FYCO1: variants seen among roughly 807,000 people sequenced by gnomAD.
The protein encoded by FYCO1 is FYVE and coiled-coil domain-containing protein 1.
Under a neutral mutation model 165.1 loss-of-function variants are expected in FYCO1, and 122 were observed. The ratio of observed to expected loss-of-function variants is 0.74; its 90% CI spans 0.64 to 0.86. The LOEUF is 0.86. FYCO1 is among the 40% of genes least tolerant of loss of function. FYCO1 has a pLI of 0.00. For missense variants in FYCO1, 1,702 were observed against 1,810.3 expected, an observed-to-expected ratio of 0.94 and a Z score of 1.09; for synonymous variants, 648 against 742.5, an observed-to-expected ratio of 0.87 and a Z score of 2.07.
intron 7 of FYCO1, 38 bp from the exon 8 acceptor site, chr3:45,968,741 T>A (rs372430070): frequency 8.1e-6 from 13 of 1,613,692 alleles, no homozygotes; most frequent in Non-Finnish European, 1.1e-5. Context: ...GGCTTTAGGA[T>A]GAAGCTACAG....
intron 1 of FYCO1, among the ~76,000 whole-genome samples, chr3:45,992,729 G>A (rs1328737256): frequency 1.3e-5 from 2 of 152,134 alleles, no homozygotes; most frequent in Admixed American, 6.5e-5. Context: ...ATTCTCAGTG[G>A]CTGAGGCTTC....
Position 45,967,294 on chromosome 3 carries a change from G to A in FYCO1, c.2040C>T (p.Ser680=), listed in dbSNP as rs757562334. The A allele has an allele frequency of 1.2e-6, 2 of 1,613,900 alleles. No homozygotes were observed. Among genetic ancestry groups the A allele is most frequent in the Admixed American group, 1.7e-5 (1 of 60,032 alleles). ...IRHLGDQMEA[S]LLAVRKAKEA... is the part of the protein sequence containing the mutation. The stretch of plus-strand genomic sequence containing the variant: ...CCTTGGCCTTCCTTACAGCCAGCAA[G>A]CTCGCCTCCATCTGGTCACCCAAGT... The change falls in exon 8 of 18, where the codon AGC becomes AGT. Residue 680 remains serine (S), a synonymous_variant. Coordinates refer to ENST00000296137, the MANE Select transcript of FYCO1 (RefSeq NM_024513.4).
intron 1 of FYCO1, among the ~76,000 whole-genome samples, chr3:45,991,763 CAG>C (rs1377603958): frequency 2.0e-5 from 3 of 152,228 alleles, no homozygotes; most frequent in Admixed American, 6.5e-5. Context: ...AACCTCCTGT[CAG>C]GGGGTGAATT....
At chr3:45,992,934 C>T (rs2125884007) in intron 1 of FYCO1, among the ~76,000 whole-genome samples, 1 of 152,258 alleles carries the variant, frequency 6.6e-6, no homozygotes, top group Non-Finnish European at 1.5e-5. Context: ...TAATGGTTTT[C>T]TTGGAATGCT....
Position 45,993,988 on chromosome 3 carries a change from G to T in FYCO1, c.-113+1734C>A, listed in dbSNP as rs1317105057. Among the ~76,000 whole-genome samples the T allele has an allele frequency of 6.6e-6, 1 of 152,176 alleles. No individual in the cohort carries two copies. Among genetic ancestry groups the T allele is most frequent in the African/African-American group, 2.4e-5 (1 of 41,434 alleles). On this transcript the variant is annotated intron_variant, in intron 1 of 17. Coordinates refer to ENST00000296137, the MANE Select transcript of FYCO1 (RefSeq NM_024513.4). This position sits in a 1 kb window ranked among gnomAD's most constrained non-coding sequence, Gnocchi z 4.4. ...TCTTGAGTCAGCAGTCCATAGCCTT[G>T]GTGACCAATATGGGTCAAAGCTACC...
Position 45,985,043 on chromosome 3 carries a change from C to G in FYCO1, c.-112-21G>C, listed in dbSNP as rs370275825. The G allele has an allele frequency of 3.3e-4, 280 of 835,900 alleles. 7 individuals carry two copies. The South Asian group carries it at 3.7e-3, about 11-fold the overall frequency. 51.8% of individuals were successfully genotyped at this position (835,900 alleles called of 1,614,324 possible). A position where few individuals can be genotyped will look rare whatever the true frequency, so the allele number is the denominator to read the frequency against. ...GGCACCTGCACAGAGGAAGGGGAGGCCATGGAGGAAGCAGATACAGACACA... is the reference window on the plus strand; with the variant it reads ...GGCACCTGCACAGAGGAAGGGGAGGGCATGGAGGAAGCAGATACAGACACA... On this transcript the variant is annotated intron_variant, in intron 1 of 17. Coordinates refer to ENST00000296137, the MANE Select transcript of FYCO1 (RefSeq NM_024513.4).
At chr3:45,960,351 T>G (rs1705625202) in intron 11 of FYCO1, among the ~76,000 whole-genome samples, 1 of 152,168 alleles carries the variant, frequency 6.6e-6, no homozygotes, top group South Asian at 2.1e-4. Flanking sequence ...AGAGACAGGC[T>G]CCATCACTGA....
intron 14 of FYCO1, among the ~76,000 whole-genome samples, chr3:45,939,588 G>C (rs1328658541): frequency 6.6e-6 from 1 of 152,156 alleles, no homozygotes. Flanking sequence ...GCTGAGGGAG[G>C]AACAGATGCC....
intron 14 of FYCO1, among the ~76,000 whole-genome samples, chr3:45,941,671 T>C (rs1028796066): frequency 1.3e-5 from 2 of 152,210 alleles, no homozygotes; most frequent in African/African-American, 4.8e-5. Flanking sequence ...CTTTCTCAAA[T>C]ACACATATCC....
chr3:45,959,359 G>T, intron 12 of FYCO1, 34 bp downstream of exon 12: 1 of 1,611,542 alleles, frequency 6.2e-7, no homozygotes, highest in East Asian at 2.2e-5. Flanking sequence ...GCCCCACCAG[G>T]GTGTTGGTGC....
intron 2 of FYCO1, chr3:45,984,615 G>A (rs1707224618): frequency 6.4e-6 from 4 of 621,052 alleles, no homozygotes; most frequent in East Asian, 2.8e-5. Context: ...CTGGAGCCGG[G>A]TGTATGATTT....
chr3:45,994,603 A>G (rs981224961), intron 1 of FYCO1, among the ~76,000 whole-genome samples: 2 of 152,184 alleles, frequency 1.3e-5, no homozygotes, highest in South Asian at 4.1e-4. Context: ...GAAGGTGGGA[A>G]CTACTGAAAG....
Position 45,959,604 on chromosome 3 carries a change from T to C in FYCO1, c.3438-62A>G, listed in dbSNP as rs1705575375. 7 of 1,538,098 alleles carry C rather than the reference T, an allele frequency of 4.6e-6. No homozygotes were observed. In the Admixed American group the frequency reaches 5.2e-5, roughly 11 times the overall value. ...ATCCATGAAAACAATAGGATGATCC[T>C]TCTTCATTTCAAAAGACTGGTATCA... On this transcript the variant is annotated intron_variant, in intron 11 of 17. Coordinates refer to ENST00000296137, the MANE Select transcript of FYCO1 (RefSeq NM_024513.4).
chr3:45,946,609 T>C (rs1704625046), intron 14 of FYCO1: 21 of 1,614,050 alleles, frequency 1.3e-5, no homozygotes, highest in Non-Finnish European at 1.6e-5. Context: ...GTGGTGTTTG[T>C]CTGTGGTCTG....
chr3:45,966,620 GTGTC>G lies in FYCO1; in HGVS notation c.2710_2713del (p.Asp904GlnfsTer11), dbSNP rs1311480490. Reference sequence around the variant, plus strand: ...GCAAACCTGGATGCCCAGCTCAGCTGTGTCTGTGTTGGCCCGGTGCAGCTGCTCT... The same window carrying G: ...GCAAACCTGGATGCCCAGCTCAGCTGTGTGTTGGCCCGGTGCAGCTGCTCT... On this transcript the variant is annotated frameshift_variant, in exon 8 of 18. Transcript: ENST00000296137. LOFTEE classifies it high-confidence loss of function. The G allele has an allele frequency of 6.2e-7, 1 of 1,614,200 alleles. No homozygotes were observed. Among genetic ancestry groups the G allele is most frequent in the Admixed American group, 1.7e-5 (1 of 60,036 alleles).
intron 17 of FYCO1, 127 bp from the exon 18 acceptor site, chr3:45,921,967 G>A (rs1296032715): frequency 1.4e-6 from 1 of 716,770 alleles, no homozygotes; most frequent in Non-Finnish European, 2.6e-6. Context: ...GGAGCCCCAT[G>A]CCCCATTTCC....
In FYCO1 at chr3:45,917,908, G is replaced by C. The variant is rs1702963941; in HGVS notation, c.*3857C>G. The C allele has an allele frequency of 6.6e-6, 1 of 152,560 alleles. No homozygotes were observed. Among genetic ancestry groups the C allele is most frequent in the Non-Finnish European group, 1.5e-5 (1 of 68,026 alleles). The allele number at this position is 152,560 out of a possible 1,614,324, so 9.5% of individuals were successfully genotyped here. A position where few individuals can be genotyped will look rare whatever the true frequency, so the allele number is the denominator to read the frequency against. On this transcript the variant is annotated 3_prime_UTR_variant, in exon 18 of 18. Coordinates refer to ENST00000296137, the MANE Select transcript of FYCO1 (RefSeq NM_024513.4). The surrounding 1 kb of genome is among the most constrained non-coding windows in gnomAD (Gnocchi z 4.2). ...AAAAATGAGAGACAAATGTCTAAATGTCATAGTGTTTACTTTATTTAAATC... is the reference window on the plus strand; with the variant it reads ...AAAAATGAGAGACAAATGTCTAAATCTCATAGTGTTTACTTTATTTAAATC...
At chr3:45,957,811 A>G (rs1479512972) in intron 13 of FYCO1, among the ~76,000 whole-genome samples, 1 of 152,244 alleles carries the variant, frequency 6.6e-6, no homozygotes, top group Non-Finnish European at 1.5e-5. Context: ...TCGAGCAGAG[A>G]CGAGCTGAGA....
intron 14 of FYCO1, chr3:45,947,078 G>A (rs1559449556): frequency 6.2e-7 from 1 of 1,614,210 alleles, no homozygotes; most frequent in Non-Finnish European, 8.5e-7. Flanking sequence ...TGACACTGGG[G>A]TTCTTCTTGC....
Sources: allele counts gnomAD v4.1 joint callset (sites outside exome capture counted in the v4.1 genomes callset), GRCh38; gene constraint gnomAD v4.1.1; non-coding constraint Gnocchi (gnomAD v3.1); transcripts MANE v1.5; gene names NCBI Gene and HGNC (gene_info 2026-07-23, HGNC 2026-07-21).